The following MPV17L2 variants were observed in gnomAD, a reference collection of about 807,000 sequenced individuals.
The protein encoded by MPV17L2 is mpv17-like protein 2.
Under a neutral mutation model 24.2 loss-of-function variants are expected in MPV17L2, and 25 were observed. The ratio of observed to expected loss-of-function variants is 1.03; its 90% CI spans 0.75 to 1.44. MPV17L2 has a LOEUF of 1.44. MPV17L2 is among the 40% of genes most tolerant of loss of function. The pLI is 0.00. For synonymous variants in MPV17L2, 130 were observed against 121.4 expected, an observed-to-expected ratio of 1.07 and a Z score of -0.46; for missense variants, 271 against 276.2, an observed-to-expected ratio of 0.98 and a Z score of 0.13.
rs917127986 is a variant in MPV17L2 at position 18,196,274 on chromosome 19, G to T, written c.*219G>T. 8.5e-5 allele frequency: 127 copies of T among 1,502,940 alleles called. No individual in the cohort carries two copies. The highest frequency in any genetic ancestry group is 1.0e-4 in the Non-Finnish European group (118 of 1,125,816). The allele number at this position is 1,502,940 out of a possible 1,614,324, so 93.1% of individuals were successfully genotyped here. On this transcript the variant is annotated 3_prime_UTR_variant, in exon 5 of 5. Coordinates refer to ENST00000599612, the MANE Select transcript of MPV17L2 (RefSeq NM_032683.3). The stretch of plus-strand genomic sequence containing the variant: ...CATGAAGATGGATGATCATCCCCTA[G>T]CCCTTCTCAGCAGGAACCTCATGCG...
At chr19:18,194,238 T>C (rs1967472373) in intron 2 of MPV17L2, 1 of 600,578 alleles carries the variant, frequency 1.7e-6, no homozygotes, top group Non-Finnish European at 2.9e-6. Flanking sequence ...GGACTGTATC[T>C]GTTGGGGCTG....
rs554363001 is a variant in MPV17L2, at chr19:18,196,517, C to T, written c.*462C>T. On this transcript the variant is annotated 3_prime_UTR_variant, in exon 5 of 5. Coordinates refer to ENST00000599612, the MANE Select transcript of MPV17L2 (RefSeq NM_032683.3). ...AAAAGTTTCACATAGGGCCAGGCAG[C>T]CTCTGTGTTTCTTTCCCTGGTCCTG... 1.5e-5 allele frequency: 16 copies of T among 1,051,720 alleles called. No individual in the cohort carries two copies. The East Asian group carries it at 8.9e-4, about 58-fold the overall frequency. The allele number at this position is 1,051,720 out of a possible 1,614,324, so 65.1% of individuals were successfully genotyped here. A position where few individuals can be genotyped will look rare whatever the true frequency, so the allele number is the denominator to read the frequency against.
chr19:18,195,462 G>A (rs1033630179), intron 4 of MPV17L2, among the ~76,000 whole-genome samples: 1 of 152,036 alleles, frequency 6.6e-6, no homozygotes, highest in African/African-American at 2.4e-5. Context: ...CTTGAACCCA[G>A]GAGGCAGAGG....
At chr19:18,193,563 C>T in intron 1 of MPV17L2, 95 bp downstream of exon 1, 1 of 1,408,756 alleles carries the variant, frequency 7.1e-7, no homozygotes, top group Non-Finnish European at 9.2e-7. Context: ...GGCCTCAGTC[C>T]CCCGCAGGAC....
chr19:18,193,265 C>T lies in MPV17L2; in HGVS notation c.-17C>T. The T allele has an allele frequency of 6.7e-7, 1 of 1,487,188 alleles. No individual in the cohort carries two copies. Among genetic ancestry groups the T allele is most frequent in the Admixed American group, 2.3e-5 (1 of 42,778 alleles). 92.1% of individuals were successfully genotyped at this position (1,487,188 alleles called of 1,614,324 possible). ...CGAAAGCAGAGCGGCGCGCCGGTTC[C>T]TTGGTTCCTGAGGGCGATGGCGCGG... is the stretch of plus-strand genomic sequence containing the variant. On this transcript the variant is annotated 5_prime_UTR_variant, in exon 1 of 5. Transcript: ENST00000599612.
At position 18,193,294 on chromosome 19, in the gene MPV17L2, G is replaced by A. The variant is rs370153623; in HGVS notation, c.13G>A (p.Gly5Ser). 7.2e-5 allele frequency: 111 copies of A among 1,543,060 alleles called. No homozygotes were observed. Among genetic ancestry groups the A allele is most frequent in the Non-Finnish European group, 9.4e-5 (108 of 1,152,068 alleles). Residue 5 changes from glycine to serine, a missense_variant, in exon 1 of 5, where the codon GGC becomes AGC. By Grantham distance (56) the Gly-to-Ser change is moderately conservative. Coordinates refer to ENST00000599612, the MANE Select transcript of MPV17L2 (RefSeq NM_032683.3). MARGGWRRLRRLLSA... is the reference protein window; with the variant it reads MARGSWRRLRRLLSA... ...GTTCCTGAGGGCGATGGCGCGGGGT[G>A]GCTGGCGCCGGCTACGCCGCCTGTT...
Position 18,196,218 on chromosome 19 carries a change from T to G in MPV17L2, c.*163T>G, listed in dbSNP as rs778682862. On this transcript the variant is annotated 3_prime_UTR_variant, in exon 5 of 5. Coordinates refer to ENST00000599612, the MANE Select transcript of MPV17L2 (RefSeq NM_032683.3). Reference sequence around the variant, plus strand: ...GAGCCGCCCTTTCCAAGCTCACTTCTGGGACTGAGTTTCCTCAACCGGAAC... The same window carrying G: ...GAGCCGCCCTTTCCAAGCTCACTTCGGGGACTGAGTTTCCTCAACCGGAAC... 2 of 1,533,844 alleles carry G rather than the reference T, an allele frequency of 1.3e-6. No homozygotes were observed. Among genetic ancestry groups the G allele is most frequent in the Non-Finnish European group, 1.7e-6 (2 of 1,144,610 alleles).
chr19:18,193,542 C>T, intron 1 of MPV17L2, 74 bp downstream of exon 1: 3 of 1,423,554 alleles, frequency 2.1e-6, no homozygotes, highest in Non-Finnish European at 2.7e-6. Context: ...GGGCCGTGAC[C>T]CCTGACCCGT....
At chr19:18,194,263 T>C in intron 2 of MPV17L2, 1 of 549,642 alleles carries the variant, frequency 1.8e-6, no homozygotes, top group South Asian at 2.3e-5. Flanking sequence ...GGGCGGGAGG[T>C]TGAGAGCATT....
At position 18,193,920 on chromosome 19, in the gene MPV17L2, T is replaced by C; in HGVS notation, c.244T>C (p.Ser82Pro). ...TCCCTTCCTGCACTACTGGTACTTG[T>C]CGCTGGACCGCCTATTCCCTGCGTC... is the stretch of plus-strand genomic sequence containing the variant. ...MGPFLHYWYL[S>P]LDRLFPASGL... The change falls in exon 2 of 5, where the codon TCG (serine) becomes CCG (proline). Residue 82 changes from serine (S) to proline (P), a missense_variant. By Grantham distance (74) the Ser-to-Pro change is moderately conservative. Transcript: ENST00000599612. The C allele has an allele frequency of 1.2e-6, 2 of 1,614,212 alleles. No individual in the cohort carries two copies. Among genetic ancestry groups the C allele is most frequent in the Non-Finnish European group, 1.7e-6 (2 of 1,180,038 alleles).
rs1354323994 is a variant in MPV17L2, at chr19:18,193,370, C to G, written c.89C>G (p.Thr30Arg). 5.1e-6 allele frequency: 8 copies of G among 1,568,672 alleles called. No individual in the cohort carries two copies. The highest frequency in any genetic ancestry group is 6.9e-6 in the Non-Finnish European group (8 of 1,163,356). Residue 30 changes from threonine (T) to arginine (R), a missense_variant, in exon 1 of 5, where the codon ACG becomes AGG. Coordinates refer to ENST00000599612, the MANE Select transcript of MPV17L2 (RefSeq NM_032683.3). The stretch of plus-strand genomic sequence containing the variant: ...GGCCGCGCGCTGCTCGTCACTAACA[C>G]GCTGGGCTGCGGCGCGCTCATGGCG... Reference protein sequence around the residue: ...FQGRALLVTNTLGCGALMAAG... With the variant: ...FQGRALLVTNRLGCGALMAAG...
Position 18,196,599 on chromosome 19 carries a change from C to T in MPV17L2, c.*544C>T, listed in dbSNP as rs1311016116. Reference sequence around the variant, plus strand: ...AATGTAACTGAAACTGCTGGCTGGGCGCAGTGGCTCCCACCTGTAATCTCA... The same window carrying T: ...AATGTAACTGAAACTGCTGGCTGGGTGCAGTGGCTCCCACCTGTAATCTCA... On this transcript the variant is annotated 3_prime_UTR_variant, in exon 5 of 5. Transcript: ENST00000599612. 1.1e-5 allele frequency: 5 copies of T among 468,806 alleles called. No homozygotes were observed. Among genetic ancestry groups the T allele is most frequent in the African/African-American group, 1.0e-4 (5 of 48,628 alleles). The allele number at this position is 468,806 out of a possible 1,614,324, so 29.0% of individuals were successfully genotyped here.
Position 18,195,021 on chromosome 19 carries a change from C to G in MPV17L2, c.499C>G (p.Arg167Gly), listed in dbSNP as rs1022745648. Residue 167 changes from arginine to glycine, a missense_variant, in exon 4 of 5, where the codon CGA becomes GGA. Arg to Gly is a moderately radical substitution (Grantham distance 125). Coordinates refer to ENST00000599612, the MANE Select transcript of MPV17L2 (RefSeq NM_032683.3). ...VNFLFVPPQF[R>G]VTYINGLTLG... Reference sequence around the variant, plus strand: ...CTTCCTCTTCGTGCCCCCCCAATTTCGAGTCACCTACATCAACGGCCTGAC... The same window carrying G: ...CTTCCTCTTCGTGCCCCCCCAATTTGGAGTCACCTACATCAACGGCCTGAC... The G allele has an allele frequency of 6.2e-7, 1 of 1,614,024 alleles. No homozygotes were observed. Among genetic ancestry groups the G allele is most frequent in the Non-Finnish European group, 8.5e-7 (1 of 1,179,958 alleles).
rs369530601 is a variant in MPV17L2 at position 18,194,878 on chromosome 19, T to A, written c.435+25T>A. 19 of 1,599,154 alleles carry A rather than the reference T, an allele frequency of 1.2e-5. No homozygotes were observed. In the African/African-American group the frequency reaches 1.3e-4, roughly 11 times the overall value. On this transcript the variant is annotated intron_variant, in intron 3 of 4. Coordinates refer to ENST00000599612, the MANE Select transcript of MPV17L2 (RefSeq NM_032683.3). Reference sequence around the variant, plus strand: ...GGTGGGAGCACCCGCCCCTTGCACATGTCCGGCCCCGCCCCCTGATGGCCG... The same window carrying A: ...GGTGGGAGCACCCGCCCCTTGCACAAGTCCGGCCCCGCCCCCTGATGGCCG...
intron 3 of MPV17L2, 21 bp from the exon 4 acceptor site, chr19:18,194,936 CA>C (rs1411179248): frequency 6.2e-7 from 1 of 1,607,990 alleles, no homozygotes; most frequent in East Asian, 2.2e-5. Context: ...CCCCGCCCCT[CA>C]TCCCCCGCCT....
At chr19:18,195,677 CA>C (rs56726924) in intron 4 of MPV17L2, among the ~76,000 whole-genome samples, 7 of 149,458 alleles carry the variant, frequency 4.7e-5, no homozygotes, top group Admixed American at 2.0e-4. Context: ...ACTAAAAATA[CA>C]AAAAAAAAAT....
At position 18,195,111 on chromosome 19, in the gene MPV17L2, A is replaced by G. The variant is rs201505480; in HGVS notation, c.564+25A>G. 2,514 of 1,609,912 alleles carry G rather than the reference A, an allele frequency of 1.6e-3. 3 individuals are homozygous for G. The highest frequency in any genetic ancestry group is 1.9e-3 in the Non-Finnish European group (2,232 of 1,177,430). ...GGTGAGTGTGGAGGGCATACCAGGC[A>G]CCCAGGGGACTCCCCAGGGGGCTAC... On this transcript the variant is annotated intron_variant, in intron 4 of 4. Transcript: ENST00000599612.
intron 1 of MPV17L2, 80 bp from the exon 2 acceptor site, chr19:18,193,784 G>A: frequency 6.4e-7 from 1 of 1,572,078 alleles, no homozygotes; most frequent in Non-Finnish European, 8.6e-7. Context: ...GCTTACCCAG[G>A]CCTTAGCCAG....
Position 18,194,967 on chromosome 19 carries a change from T to C in MPV17L2, c.445T>C (p.Cys149Arg), listed in dbSNP as rs1967486149. 6.6e-7 allele frequency: 1 copy of C among 1,518,348 alleles called. No homozygotes were observed. Among genetic ancestry groups the C allele is most frequent in the Non-Finnish European group, 8.9e-7 (1 of 1,125,464 alleles). The allele number at this position is 1,518,348 out of a possible 1,614,324, so 94.1% of individuals were successfully genotyped here. The change falls in exon 4 of 5, where the codon TGC becomes CGC. Residue 149 changes from cysteine to arginine, a missense_variant. Transcript: ENST00000599612. Reference protein sequence around the residue: ...KFWEFYKADWCVWPAAQFVNF... With the variant: ...KFWEFYKADWRVWPAAQFVNF... ...CCGCCTCTCCCCGCAGGCAGACTGGTGCGTGTGGCCTGCTGCGCAGTTCGT... is the reference window on the plus strand; with the variant it reads ...CCGCCTCTCCCCGCAGGCAGACTGGCGCGTGTGGCCTGCTGCGCAGTTCGT...
Sources: allele counts gnomAD v4.1 joint callset (sites outside exome capture counted in the v4.1 genomes callset), GRCh38; gene constraint gnomAD v4.1.1; transcripts MANE v1.5; gene names NCBI Gene and HGNC (gene_info 2026-07-23, HGNC 2026-07-21).